Variants in CCDC126 observed in about 807,000 individuals in gnomAD.
CCDC126 encodes the protein coiled-coil domain-containing protein 126.
In CCDC126, 5 loss-of-function variants were observed where a neutral mutation model predicts 11.7. The observed-to-expected ratio is 0.43, with a 90% CI of 0.22 to 0.90. The LOEUF is 0.90. Ranked by LOEUF, CCDC126 falls within the 40% of genes least tolerant of loss-of-function variation. The pLI is 0.27. For synonymous variants in CCDC126, 60 were observed against 61.9 expected, an observed-to-expected ratio of 0.97 and a Z score of 0.14; for missense variants, 150 against 163.1, an observed-to-expected ratio of 0.92 and a Z score of 0.44.
At chr7:23,615,420 T>C (rs183713443) in intron 3 of CCDC126, among the ~76,000 whole-genome samples, 1 of 152,220 alleles carries the variant, frequency 6.6e-6, no homozygotes, top group Non-Finnish European at 1.5e-5. Flanking sequence ...ACTCAAACTT[T>C]CTTCATTTCA....
At chr7:23,640,442 A>G (rs963422713) in intron 3 of CCDC126, among the ~76,000 whole-genome samples, 9 of 152,044 alleles carry the variant, frequency 5.9e-5, no homozygotes, top group Admixed American at 3.9e-4. Context: ...GGTTGCGATG[A>G]GCCGAGATCG....
rs866545807 is a variant in CCDC126, at chr7:23,643,203, C to A, written c.*88C>A. 5.4e-5 allele frequency: 57 copies of A among 1,051,484 alleles called. No homozygotes were observed. In the Middle Eastern group the frequency reaches 1.5e-3, roughly 27 times the overall value. The allele number at this position is 1,051,484 out of a possible 1,614,324, so 65.1% of individuals were successfully genotyped here. The stretch of plus-strand genomic sequence containing the variant: ...TTATAATTGCTGGCTTAGGACAGAG[C>A]AATACTTTACAATAAAAGCTCTACA... On this transcript the variant is annotated 3_prime_UTR_variant, in exon 4 of 4. Coordinates refer to ENST00000307471, the MANE Select transcript of CCDC126 (RefSeq NM_138771.4).
At chr7:23,638,075 C>G (rs1783273203) in intron 3 of CCDC126, among the ~76,000 whole-genome samples, 1 of 136,306 alleles carries the variant, frequency 7.3e-6, no homozygotes, top group Non-Finnish European at 1.6e-5. Flanking sequence ...GCCAGCCGCC[C>G]CGTCCGGGAG....
Position 23,643,260 on chromosome 7 carries a change from C to G in CCDC126, c.*145C>G. On this transcript the variant is annotated 3_prime_UTR_variant, in exon 4 of 4. Transcript: ENST00000307471. ...CAAGGAGTATGCTGGATTCATGGAA[C>G]TCTAATTCTGTACATAAAAATTTTA... The G allele has an allele frequency of 2.9e-6, 2 of 697,494 alleles. No individual in the cohort carries two copies. 43.2% of individuals were successfully genotyped at this position (697,494 alleles called of 1,614,324 possible).
intron 3 of CCDC126, among the ~76,000 whole-genome samples, chr7:23,626,358 A>G (rs964675801): frequency 5.3e-5 from 8 of 152,328 alleles, no homozygotes; most frequent in African/African-American, 1.9e-4. Flanking sequence ...CCATCTATAG[A>G]AACCATTTAT....
intron 2 of CCDC126, among the ~76,000 whole-genome samples, chr7:23,608,353 G>T (rs546019887): frequency 8.5e-5 from 13 of 152,314 alleles, no homozygotes; most frequent in African/African-American, 2.6e-4. Flanking sequence ...CTTTTGAAAG[G>T]CCTGGTTTCT....
chr7:23,605,218 G>T (rs984490765), intron 2 of CCDC126, among the ~76,000 whole-genome samples: 2 of 152,144 alleles, frequency 1.3e-5, no homozygotes, highest in Non-Finnish European at 2.9e-5. Flanking sequence ...CCTAGCATGG[G>T]TTTAGCATGG....
intron 3 of CCDC126, among the ~76,000 whole-genome samples, chr7:23,636,381 T>G (rs1207826671): frequency 1.4e-5 from 2 of 146,210 alleles, no homozygotes; most frequent in African/African-American, 5.2e-5. Context: ...GTGAGGAGCG[T>G]CTCTGCCCGG....
At chr7:23,642,601 A>G (rs1445777677) in intron 3 of CCDC126, among the ~76,000 whole-genome samples, 2 of 151,938 alleles carry the variant, frequency 1.3e-5, no homozygotes, top group Non-Finnish European at 2.9e-5. Flanking sequence ...TGTCTCCACT[A>G]AAAATACAAA....
intron 3 of CCDC126, among the ~76,000 whole-genome samples, chr7:23,613,201 C>T (rs1273825996): frequency 6.6e-6 from 1 of 151,970 alleles, no homozygotes; most frequent in Non-Finnish European, 1.5e-5. Context: ...GTTCCAGCTA[C>T]TTGGGAGGTT....
At chr7:23,623,863 C>T (rs992278635) in intron 3 of CCDC126, among the ~76,000 whole-genome samples, 5 of 152,172 alleles carry the variant, frequency 3.3e-5, no homozygotes, top group Non-Finnish European at 5.9e-5. Flanking sequence ...TATAAATTGT[C>T]GCTTTGTAGT....
rs567168139 is a variant in CCDC126 at position 23,636,014 on chromosome 7, C to T, written c.239-6917C>T. ...TCTCCTGCCTCAGCCTGCCGAGTGCCGCCACGCCTGACTGGTTTTCGTTTT... is the reference window on the plus strand; with the variant it reads ...TCTCCTGCCTCAGCCTGCCGAGTGCTGCCACGCCTGACTGGTTTTCGTTTT... On this transcript the variant is annotated intron_variant, in intron 3 of 3. Transcript: ENST00000307471. 9.1e-4 allele frequency among the ~76,000 whole-genome samples: 138 copies of T among 151,754 alleles called. 1 individual carries two copies. The East Asian group carries it at 0.025, about 27-fold the overall frequency.
intron 3 of CCDC126, among the ~76,000 whole-genome samples, chr7:23,619,709 C>T (rs916166598): frequency 2.0e-5 from 3 of 149,438 alleles, no homozygotes; most frequent in African/African-American, 7.4e-5. Context: ...TTAGGTATAT[C>T]TCCTAATGCT....
intron 3 of CCDC126, among the ~76,000 whole-genome samples, chr7:23,631,796 T>TC (rs969103872): frequency 8.0e-4 from 119 of 149,458 alleles, no homozygotes; most frequent in Admixed American, 3.0e-3. Flanking sequence ...AATTTAAAAG[T>TC]CCCCCCCCAC....
intron 3 of CCDC126, among the ~76,000 whole-genome samples, chr7:23,619,131 C>T (rs1173154221): frequency 4.6e-5 from 7 of 152,156 alleles, no homozygotes; most frequent in Admixed American, 1.3e-4. Flanking sequence ...TAAGAAAATA[C>T]ATCTCAGATC....
chr7:23,641,003 T>A (rs1244994367), intron 3 of CCDC126, among the ~76,000 whole-genome samples: 1 of 147,044 alleles, frequency 6.8e-6, no homozygotes, highest in Non-Finnish European at 1.5e-5. Flanking sequence ...TTTTTTTTTT[T>A]TTTTTTTTTT....
In CCDC126 at chr7:23,644,694, T is replaced by A. The variant is rs189430640; in HGVS notation, c.*1579T>A. The A allele has an allele frequency of 6.6e-5, 10 of 152,440 alleles. No individual in the cohort carries two copies. The highest frequency in any genetic ancestry group is 2.4e-4 in the African/African-American group (10 of 41,456). The allele number at this position is 152,440 out of a possible 1,614,324, so 9.4% of individuals were successfully genotyped here. ...TTGTTTTCAGGGATGAAATAAAATA[T>A]ATTATTTCTACCTACAAAGTATTAC... On this transcript the variant is annotated 3_prime_UTR_variant, in exon 4 of 4. Coordinates refer to ENST00000307471, the MANE Select transcript of CCDC126 (RefSeq NM_138771.4).
At chr7:23,604,896 G>A (rs984912619) in intron 2 of CCDC126, among the ~76,000 whole-genome samples, 30 of 151,944 alleles carry the variant, frequency 2.0e-4, no homozygotes, top group South Asian at 1.2e-3. Flanking sequence ...TACTTGGGAC[G>A]CTGAGGCAGG....
In CCDC126 at chr7:23,611,578, A is replaced by G. The variant is rs187310304; in HGVS notation, c.238+25A>G. 9 of 1,497,664 alleles carry G rather than the reference A, an allele frequency of 6.0e-6. No homozygotes were observed. In the East Asian group the frequency reaches 1.6e-4, roughly 26 times the overall value. 92.8% of individuals were successfully genotyped at this position (1,497,664 alleles called of 1,614,324 possible). A position where few individuals can be genotyped will look rare whatever the true frequency, so the allele number is the denominator to read the frequency against. On this transcript the variant is annotated intron_variant, in intron 3 of 3. Coordinates refer to ENST00000307471, the MANE Select transcript of CCDC126 (RefSeq NM_138771.4). ...GGTAAGATAACCGTAGAATATTTCT[A>G]GTTTCCTCCAATCCCTGTTTAAAGA...
Sources: allele counts gnomAD v4.1 joint callset (sites outside exome capture counted in the v4.1 genomes callset), GRCh38; gene constraint gnomAD v4.1.1; transcripts MANE v1.5; gene names NCBI Gene and HGNC (gene_info 2026-07-23, HGNC 2026-07-21).